EXD3: variants seen among roughly 807,000 people sequenced by gnomAD.
EXD3 encodes exonuclease mut-7 homolog.
In EXD3, 92 loss-of-function variants were observed where a neutral mutation model predicts 98.0. The ratio of observed to expected loss-of-function variants is 0.94; its 90% CI spans 0.79 to 1.12. The LOEUF (loss-of-function observed/expected upper bound fraction) is 1.12, where lower values mean the gene tolerates loss of function less well. Among genes scored for constraint, EXD3 ranks in the 50% most tolerant of loss-of-function variants. The pLI is 0.00. For synonymous variants in EXD3, 569 were observed against 526.0 expected, an observed-to-expected ratio of 1.08 and a Z score of -1.12; for missense variants, 1,222 against 1,191.6, an observed-to-expected ratio of 1.03 and a Z score of -0.38.
chr9:137,324,479 T>C lies in EXD3; in HGVS notation c.1999-336A>G, dbSNP rs142400003. On this transcript the variant is annotated intron_variant, in intron 17 of 21. Coordinates refer to ENST00000340951, the MANE Select transcript of EXD3 (RefSeq NM_017820.5). This position sits in a 1 kb window ranked among gnomAD's most constrained non-coding sequence, Gnocchi z 4.1. Reference sequence around the variant, plus strand: ...AGTATTCCAAGAGACTCTGTAGAGATTTGAAAACACAGTAACTTGCCCCTA... The same window carrying C: ...AGTATTCCAAGAGACTCTGTAGAGACTTGAAAACACAGTAACTTGCCCCTA... 7.2e-5 allele frequency among the ~76,000 whole-genome samples: 11 copies of C among 152,216 alleles called. No homozygotes were observed. Among genetic ancestry groups the C allele is most frequent in the African/African-American group, 2.4e-4 (10 of 41,534 alleles).
intron 1 of EXD3, among the ~76,000 whole-genome samples, chr9:137,399,131 G>A (rs144909570): frequency 7.7e-4 from 118 of 152,390 alleles, no homozygotes; most frequent in Non-Finnish European, 1.5e-3. Context: ...GTGCGTGGCT[G>A]TGGGGCAGGG....
Position 137,354,330 on chromosome 9 carries a change from C to T in EXD3, c.870+9G>A, listed in dbSNP as rs775323788. 1.4e-5 allele frequency: 22 copies of T among 1,612,032 alleles called. No homozygotes were observed. Among genetic ancestry groups the T allele is most frequent in the African/African-American group, 2.7e-5 (2 of 74,940 alleles). On this transcript the variant is annotated intron_variant, in intron 10 of 21. Transcript: ENST00000340951. ...CCCTGCCGGCTTACAGGCAAGGGCA[C>T]GAACTCACCTGCACATGGTCGGTCC...
Position 137,380,219 on chromosome 9 carries a change from C to T in EXD3, c.120+3094G>A, listed in dbSNP as rs1328384655. On this transcript the variant is annotated intron_variant, in intron 3 of 21. Transcript: ENST00000340951. ...TTCGAGCCCTTCACTGGTCTTCACT[C>T]CTCATTCCTGGTCCCCTCAGCTACA... Among the ~76,000 whole-genome samples the T allele has an allele frequency of 1.1e-3, 167 of 151,916 alleles. 2 individuals carry two copies. The highest frequency in any genetic ancestry group is 5.9e-5 in the Non-Finnish European group (4 of 67,896).
rs1354129691 is a variant in EXD3 at position 137,385,907 on chromosome 9, G to T, written c.56-2530C>A. The stretch of plus-strand genomic sequence containing the variant: ...CTGCAGGTGGACGGTGGTGGCAGCT[G>T]TGCAGCCACATGAGTGCCCTTAATG... On this transcript the variant is annotated intron_variant, in intron 2 of 21. Transcript: ENST00000340951. The surrounding 1 kb of genome is among the most constrained non-coding windows in gnomAD (Gnocchi z 4.4). Among the ~76,000 whole-genome samples, 1 of 152,168 alleles carries T rather than the reference G, an allele frequency of 6.6e-6. No homozygotes were observed. Among genetic ancestry groups the T allele is most frequent in the Non-Finnish European group, 1.5e-5 (1 of 68,034 alleles).
chr9:137,307,032 G>A lies in EXD3; in HGVS notation c.2549C>T (p.Thr850Ile). The A allele has an allele frequency of 4.3e-6, 7 of 1,612,316 alleles. No homozygotes were observed. In the South Asian group the frequency reaches 6.6e-5, roughly 15 times the overall value. ...GCTCTCCAGCATGTCTCGGAAGTGG[G>A]TGGCAACACGACCCAGGTGGGAGCC... ...WDGSHLGRVA[T>I]HFRDMLESAP... is the part of the protein sequence containing the mutation. Residue 850 changes from threonine (T) to isoleucine (I), a missense_variant, in exon 22 of 22, where the codon ACC (threonine) becomes ATC (isoleucine). Coordinates refer to ENST00000340951, the MANE Select transcript of EXD3 (RefSeq NM_017820.5).
Position 137,408,124 on chromosome 9 carries a change from C to G in EXD3, c.-47-12720G>C, listed in dbSNP as rs577354250. ...AAGCCCAGCCCCTCCTCCTCACGTTCGACTGCGCTGCGTGGGTGTTTTACT... is the reference window on the plus strand; with the variant it reads ...AAGCCCAGCCCCTCCTCCTCACGTTGGACTGCGCTGCGTGGGTGTTTTACT... On this transcript the variant is annotated intron_variant, in intron 1 of 21. Coordinates refer to ENST00000340951, the MANE Select transcript of EXD3 (RefSeq NM_017820.5). 3.9e-5 allele frequency among the ~76,000 whole-genome samples: 6 copies of G among 152,306 alleles called. No homozygotes were observed. In the East Asian group the frequency reaches 1.2e-3, roughly 29 times the overall value.
chr9:137,326,819 A>G (rs527247021), intron 17 of EXD3, among the ~76,000 whole-genome samples: 1 of 152,326 alleles, frequency 6.6e-6, no homozygotes, highest in Non-Finnish European at 1.5e-5. Context: ...ACACAGAGTC[A>G]GTAGAGGATT....
intron 1 of EXD3, among the ~76,000 whole-genome samples, chr9:137,413,616 C>T (rs1838104524): frequency 6.6e-6 from 1 of 151,408 alleles, no homozygotes; most frequent in African/African-American, 2.4e-5. Context: ...ATTCTTGTGC[C>T]TAAGTCTCCT....
In EXD3 at chr9:137,396,488, G is replaced by A. The variant is rs73668262; in HGVS notation, c.-47-1084C>T. Among the ~76,000 whole-genome samples, 1,127 of 152,278 alleles carry A rather than the reference G, an allele frequency of 7.4e-3. 19 individuals are homozygous for A. The highest frequency in any genetic ancestry group is 0.024 in the African/African-American group (1,005 of 41,556). ...CCGCCCTCCCCCAGGCAGCCCTCAC[G>A]GTGGCCATTCCCGGGGAGACGGACC... On this transcript the variant is annotated intron_variant, in intron 1 of 21. Coordinates refer to ENST00000340951, the MANE Select transcript of EXD3 (RefSeq NM_017820.5).
chr9:137,349,392 C>T lies in EXD3; in HGVS notation c.1634G>A (p.Cys545Tyr), dbSNP rs28545754. The change falls in exon 15 of 22, where the codon TGC (cysteine) becomes TAC (tyrosine). Residue 545 changes from cysteine to tyrosine, a missense_variant. Cys to Tyr is a radical substitution (Grantham distance 194). Transcript: ENST00000340951. The surrounding 1 kb of genome is among the most constrained non-coding windows in gnomAD (Gnocchi z 7.4). ...QLSNWDRRPL[C>Y]EEQVIYAAAD... ...ACCTGCGTAGATGACCTGCTCCTCG[C>T]AGAGCGGCCTCCGGTCCCAGTTGGA... The T allele has an allele frequency of 0.62, 982,563 of 1,591,370 alleles. 312,709 individuals are homozygous for T. Among genetic ancestry groups the T allele is most frequent in the South Asian group, 0.81 (72,381 of 89,210 alleles).
intron 7 of EXD3, 31 bp from the exon 8 acceptor site, chr9:137,356,399 G>T (rs1369289777): frequency 4.5e-6 from 6 of 1,342,484 alleles, no homozygotes; most frequent in East Asian, 4.9e-5. Context: ...AGCCTCTGTT[G>T]CTGTTTTAAG....
intron 2 of EXD3, among the ~76,000 whole-genome samples, chr9:137,388,211 C>CA (rs1554732105): frequency 6.6e-6 from 1 of 152,152 alleles, no homozygotes; most frequent in East Asian, 1.9e-4. Flanking sequence ...GCTTCCCCCC[C>CA]AGCCACCCTC....
Position 137,316,223 on chromosome 9 carries a change from A to ACGGCCC in EXD3, c.2185-6529_2185-6524dup, listed in dbSNP as rs1343029485. ...GGCGGAGGGCGGGGCGCGCCTGGGAACGGCCCCCGCCCCCGCGGCCGGCCT... is the reference window on the plus strand; with the variant it reads ...GGCGGAGGGCGGGGCGCGCCTGGGAACGGCCCCGGCCCCCGCCCCCGCGGCCGGCCT... On this transcript the variant is annotated intron_variant, in intron 19 of 21. Transcript: ENST00000340951. Among the ~76,000 whole-genome samples the ACGGCCC allele has an allele frequency of 7.3e-5, 11 of 151,498 alleles. No individual in the cohort carries two copies. In the East Asian group the frequency reaches 1.4e-3, roughly 19 times the overall value.
intron 1 of EXD3, among the ~76,000 whole-genome samples, chr9:137,398,795 TCCCCGTGACACACAGGCACCCGC>T (rs1837344882): frequency 7.7e-6 from 1 of 129,130 alleles, no homozygotes; most frequent in African/African-American, 3.1e-5. Flanking sequence ...GGCACCCGCG[TCCCCGTGACACACAGGCACCCGC>T]GTCCCCGTGA....
chr9:137,357,921 G>A (rs1408224315), intron 7 of EXD3, among the ~76,000 whole-genome samples: 1 of 151,940 alleles, frequency 6.6e-6, no homozygotes, highest in Non-Finnish European at 1.5e-5. Flanking sequence ...ATGTAGGCTG[G>A]GAGGGTAGGC....
chr9:137,340,550 A>G (rs1833596941), intron 17 of EXD3, among the ~76,000 whole-genome samples: 1 of 151,260 alleles, frequency 6.6e-6, no homozygotes, highest in Admixed American at 6.6e-5. Context: ...TTTTTTAATG[A>G]GGTCTTGCTG....
chr9:137,377,916 C>T (rs967248047), intron 3 of EXD3, among the ~76,000 whole-genome samples: 3 of 150,618 alleles, frequency 2.0e-5, no homozygotes, highest in African/African-American at 7.3e-5. Flanking sequence ...GCCTCAGCCT[C>T]CCAGGTAGCT....
intron 17 of EXD3, among the ~76,000 whole-genome samples, chr9:137,333,036 C>T (rs2119157859): frequency 6.6e-6 from 1 of 152,254 alleles, no homozygotes; most frequent in East Asian, 1.9e-4. Flanking sequence ...CCTCAGTGGG[C>T]ACCGTCTAAT....
In EXD3 at chr9:137,395,418, CA is replaced by C. The variant is rs1397187240; in HGVS notation, c.-47-15del. ...AGGAACGAGGATCTGCAGAAACAGACAATCAGGTGAATGCAGAGCCCACTGC... is the reference window on the plus strand; with the variant it reads ...AGGAACGAGGATCTGCAGAAACAGACATCAGGTGAATGCAGAGCCCACTGC... On this transcript the variant is annotated splice_polypyrimidine_tract_variant and intron_variant, in intron 1 of 21. Transcript: ENST00000340951. This position sits in a 1 kb window ranked among gnomAD's most constrained non-coding sequence, Gnocchi z 6.5. 2 of 1,611,630 alleles carry C rather than the reference CA, an allele frequency of 1.2e-6. No individual in the cohort carries two copies. The highest frequency in any genetic ancestry group is 1.7e-4 in the Middle Eastern group (1 of 6,058).
Sources: gnomAD v4.1 joint callset for allele counts (sites outside exome capture counted in the v4.1 genomes callset) on GRCh38, gnomAD v4.1.1 for gene constraint, Gnocchi (gnomAD v3.1) non-coding constraint, MANE v1.5 for transcripts, NCBI Gene and HGNC (gene_info 2026-07-23, HGNC 2026-07-21) for gene names.